ARHGAP24: variants seen among roughly 807,000 people sequenced by gnomAD.
The protein encoded by ARHGAP24 is rho GTPase-activating protein 24.
Under a neutral mutation model 76.4 loss-of-function variants are expected in ARHGAP24, and 50 were observed. The observed-to-expected ratio is 0.65, with a 90% CI of 0.52 to 0.83. ARHGAP24 has a LOEUF of 0.83. ARHGAP24 is among the 40% of genes least tolerant of loss of function. The probability of loss-of-function intolerance (pLI) is 0.00; values close to 1 mark genes in which losing one functional copy is unlikely to be tolerated. For synonymous variants in ARHGAP24, 345 were observed against 323.3 expected, an observed-to-expected ratio of 1.07 and a Z score of -0.72; for missense variants, 930 against 914.2, an observed-to-expected ratio of 1.02 and a Z score of -0.22.
chr4:85,538,482 CTTA>C (rs1279699104), intron 1 of ARHGAP24, among the ~76,000 whole-genome samples: 1 of 152,072 alleles, frequency 6.6e-6, no homozygotes, highest in Non-Finnish European at 1.5e-5. Flanking sequence ...GGCAACTATA[CTTA>C]TTATGGTGTG....
At chr4:85,665,607 C>T (rs1253176823) in intron 2 of ARHGAP24, among the ~76,000 whole-genome samples, 1 of 152,126 alleles carries the variant, frequency 6.6e-6, no homozygotes, top group Non-Finnish European at 1.5e-5. Context: ...TTCTTCCTAG[C>T]CTCGATGGTC....
chr4:85,730,993 C>CACAT (rs1244820601), intron 3 of ARHGAP24, among the ~76,000 whole-genome samples: 9 of 104,170 alleles, frequency 8.6e-5, no homozygotes, highest in African/African-American at 3.0e-4. Context: ...ACTGCACACA[C>CACAT]ACACACACAC....
Position 85,974,303 on chromosome 4 carries a change from C to T in ARHGAP24, c.733-585C>T, listed in dbSNP as rs141971557. 3.5e-4 allele frequency among the ~76,000 whole-genome samples: 54 copies of T among 152,256 alleles called. No homozygotes were observed. The South Asian group carries it at 0.01, about 29-fold the overall frequency. The stretch of plus-strand genomic sequence containing the variant: ...ACGCCTCAAATATTTACTATCTGGA[C>T]CTTTATGGGCAGAAGAAGAAAGCAA... On this transcript the variant is annotated intron_variant, in intron 6 of 9. Coordinates refer to ENST00000395184, the MANE Select transcript of ARHGAP24 (RefSeq NM_001025616.3).
chr4:85,636,431 C>T (rs1314228143), intron 2 of ARHGAP24, among the ~76,000 whole-genome samples: 1 of 149,940 alleles, frequency 6.7e-6, no homozygotes, highest in Non-Finnish European at 1.5e-5. Flanking sequence ...AGTACCTAAC[C>T]TCAAGTCATC....
Position 85,567,209 on chromosome 4 carries a change from G to A in ARHGAP24, c.-20-3313G>A, listed in dbSNP as rs553354880. 2.0e-5 allele frequency among the ~76,000 whole-genome samples: 3 copies of A among 152,274 alleles called. No individual in the cohort carries two copies. The South Asian group carries it at 6.2e-4, about 32-fold the overall frequency. Reference sequence around the variant, plus strand: ...GAATCTTTAAAAGCTCGCTTTGGCTGCATTTTAGAGAATGAAATATGTGTG... The same window carrying A: ...GAATCTTTAAAAGCTCGCTTTGGCTACATTTTAGAGAATGAAATATGTGTG... On this transcript the variant is annotated intron_variant, in intron 1 of 9. Coordinates refer to ENST00000395184, the MANE Select transcript of ARHGAP24 (RefSeq NM_001025616.3).
At chr4:85,753,250 G>A (rs185873457) in intron 3 of ARHGAP24, among the ~76,000 whole-genome samples, 16 of 152,260 alleles carry the variant, frequency 1.1e-4, no homozygotes, top group Non-Finnish European at 2.9e-5. Flanking sequence ...CTTTGTAAGT[G>A]TATTTTTTTC....
intron 1 of ARHGAP24, among the ~76,000 whole-genome samples, chr4:85,554,850 T>C (rs1247077510): frequency 7.6e-6 from 1 of 131,884 alleles, no homozygotes; most frequent in Non-Finnish European, 1.7e-5. Flanking sequence ...TTTTTTTTTT[T>C]TTTGTATTTT....
At chr4:85,895,001 C>CAAAAAAAAAAAAAAAAAAAAAAAAAAAA (rs1222078793) in intron 3 of ARHGAP24, among the ~76,000 whole-genome samples, 2 of 54,344 alleles carry the variant, frequency 3.7e-5, no homozygotes, top group African/African-American at 8.3e-5. Flanking sequence ...AAACAAAAAG[C>CAAAAAAAAAAAAAAAAAAAAAAAAAAAA]AAAAAAAAAA....
rs72976711 is a variant in ARHGAP24 at position 85,753,993 on chromosome 4, C to T, written c.268+32021C>T. Among the ~76,000 whole-genome samples, 1,074 of 152,290 alleles carry T rather than the reference C, an allele frequency of 7.1e-3. 17 individuals carry two copies. The highest frequency in any genetic ancestry group is 0.023 in the African/African-American group (970 of 41,546). On this transcript the variant is annotated intron_variant, in intron 3 of 9. Coordinates refer to ENST00000395184, the MANE Select transcript of ARHGAP24 (RefSeq NM_001025616.3). ...TTAACTATAATTTTTCTATTGCCCT[C>T]TATTGAATACTAGAACTTATTTTTT...
intron 2 of ARHGAP24, among the ~76,000 whole-genome samples, chr4:85,687,874 C>T (rs1470167500): frequency 1.3e-5 from 2 of 151,766 alleles, no homozygotes; most frequent in Admixed American, 1.3e-4. Context: ...TGCAGTGGTA[C>T]GATCTTGGCT....
chr4:85,867,915 A>ATG (rs1732296255), intron 3 of ARHGAP24, among the ~76,000 whole-genome samples: 1 of 147,802 alleles, frequency 6.8e-6, no homozygotes, highest in African/African-American at 2.5e-5. Flanking sequence ...ATATACATAT[A>ATG]TGTACACACA....
intron 3 of ARHGAP24, among the ~76,000 whole-genome samples, chr4:85,725,930 A>G (rs1725151069): frequency 6.6e-6 from 1 of 152,188 alleles, no homozygotes; most frequent in African/African-American, 2.4e-5. Flanking sequence ...AGAGGCCATC[A>G]TGAGTCCCTG....
chr4:85,480,674 C>T (rs988153365), intron 1 of ARHGAP24, among the ~76,000 whole-genome samples: 1 of 152,008 alleles, frequency 6.6e-6, no homozygotes, highest in Non-Finnish European at 1.5e-5. Flanking sequence ...GAAACATTCT[C>T]TGTAGTGCTT....
intron 3 of ARHGAP24, among the ~76,000 whole-genome samples, chr4:85,833,479 C>G (rs1426188378): frequency 6.7e-6 from 1 of 149,376 alleles, no homozygotes; most frequent in East Asian, 2.1e-4. Context: ...ATCCTCTGAC[C>G]TGGGGAAAAA....
intron 1 of ARHGAP24, among the ~76,000 whole-genome samples, chr4:85,547,142 CTGTT>C (rs1169531634): frequency 3.3e-5 from 5 of 152,130 alleles, no homozygotes; most frequent in Admixed American, 6.5e-5. Context: ...TCTCCTTTCT[CTGTT>C]TGTTTTTTGG....
intron 2 of ARHGAP24, among the ~76,000 whole-genome samples, chr4:85,642,983 C>T (rs1264207282): frequency 6.6e-6 from 1 of 152,096 alleles, no homozygotes; most frequent in Non-Finnish European, 1.5e-5. Context: ...TCTCCTCAGC[C>T]GTGTATCAAA....
chr4:85,560,127 T>C (rs1485741288), intron 1 of ARHGAP24, among the ~76,000 whole-genome samples: 1 of 152,164 alleles, frequency 6.6e-6, no homozygotes, highest in East Asian at 1.9e-4. Flanking sequence ...GTAAAGTATA[T>C]GTTTTGATTT....
Position 85,995,298 on chromosome 4 carries a change from G to C in ARHGAP24, c.1644G>C (p.Gln548His), listed in dbSNP as rs1428421696. The C allele has an allele frequency of 6.2e-7, 1 of 1,614,050 alleles. No homozygotes were observed. ...QFSMMNLDDK[Q>H]SIDSATWSTS... The stretch of plus-strand genomic sequence containing the variant: ...CCATGATGAACCTTGATGACAAGCA[G>C]AGCATTGACAGTGCTACCTGGTCCA... The change falls in exon 9 of 10, where the codon CAG (glutamine) becomes CAC (histidine). Residue 548 changes from glutamine to histidine, a missense_variant. Coordinates refer to ENST00000395184, the MANE Select transcript of ARHGAP24 (RefSeq NM_001025616.3).
chr4:85,959,489 G>A (rs13435018), intron 5 of ARHGAP24, among the ~76,000 whole-genome samples: 1,983 of 152,246 alleles, frequency 0.013, 40 homozygotes, highest in African/African-American at 0.045. Flanking sequence ...GAGTTGCTAT[G>A]GTTCACATGC....
Sources: gnomAD v4.1 joint callset for allele counts (sites outside exome capture counted in the v4.1 genomes callset) on GRCh38, gnomAD v4.1.1 for gene constraint, MANE v1.5 for transcripts, NCBI Gene and HGNC (gene_info 2026-07-23, HGNC 2026-07-21) for gene names.